The following WNT7B variants were observed in gnomAD, a reference collection of about 807,000 sequenced individuals.
The protein encoded by WNT7B is Wnt family member 7B, also known as protein Wnt-7b.
WNT7B carries 19 observed loss-of-function variants against 38.2 expected under a neutral mutation model. The observed-to-expected ratio is 0.50, with a 90% CI of 0.35 to 0.73. The LOEUF (loss-of-function observed/expected upper bound fraction) is 0.73, where lower values mean the gene tolerates loss of function less well. Ranked by LOEUF, WNT7B falls within the 30% of genes least tolerant of loss-of-function variation. WNT7B has a pLI of 0.01. For synonymous variants in WNT7B, 243 were observed against 209.3 expected, an observed-to-expected ratio of 1.16 and a Z score of -1.39; for missense variants, 423 against 507.9, an observed-to-expected ratio of 0.83 and a Z score of 1.61.
chr22:45,927,282 C>G (rs1931114968), intron 3 of WNT7B: 1 of 985,392 alleles, frequency 1.0e-6, no homozygotes, highest in East Asian at 1.1e-4. Flanking sequence ...CCTGCGGCAG[C>G]CCATTAAAGG....
Position 45,926,592 on chromosome 22 carries a change from C to G in WNT7B, c.571-3257G>C, listed in dbSNP as rs896299119. On this transcript the variant is annotated intron_variant, in intron 3 of 3. Coordinates refer to ENST00000339464, the MANE Select transcript of WNT7B (RefSeq NM_058238.3). ...CGTCCGATATTCCGGCCACTGGGGC[C>G]GACAGAAGGCACCTCACCCTGGATC... 6.1e-6 allele frequency: 6 copies of G among 985,274 alleles called. No individual in the cohort carries two copies. In the South Asian group the frequency reaches 2.8e-4, roughly 46 times the overall value. The allele number at this position is 985,274 out of a possible 1,614,324, so 61.0% of individuals were successfully genotyped here.
intron 3 of WNT7B, among the ~76,000 whole-genome samples, chr22:45,930,455 G>A (rs1354766669): frequency 6.6e-6 from 1 of 152,232 alleles, no homozygotes; most frequent in Non-Finnish European, 1.5e-5. Context: ...TCTTGCCGCC[G>A]TGCAGCTGCT....
At chr22:45,959,187 AGCAGGATGGG>A (rs1460474648) in intron 1 of WNT7B, among the ~76,000 whole-genome samples, 1 of 152,206 alleles carries the variant, frequency 6.6e-6, no homozygotes, top group Non-Finnish European at 1.5e-5. Flanking sequence ...CTGTGCAGGC[AGCAGGATGGG>A]GCATCTGGGA....
chr22:45,937,008 A>G (rs964536682), intron 2 of WNT7B, among the ~76,000 whole-genome samples: 3 of 152,156 alleles, frequency 2.0e-5, no homozygotes, highest in African/African-American at 7.2e-5. Flanking sequence ...GCCATGGTTG[A>G]GCTCCTAATG....
Position 45,923,162 on chromosome 22 carries a change from C to T in WNT7B, c.744G>A (p.Gln248=). The T allele has an allele frequency of 6.2e-7, 1 of 1,613,508 alleles. No homozygotes were observed. The highest frequency in any genetic ancestry group is 1.6e-4 in the Middle Eastern group (1 of 6,062). The stretch of plus-strand genomic sequence containing the variant: ...GCTGTTTGATGCGCAGGAAGGTGGG[C>T]TGCCGCAGACGGCTGGCCCGCACCA... ...VEVVRASRLR[Q]PTFLRIKQLR... Residue 248 remains glutamine (Q), a synonymous_variant, in exon 4 of 4, where the codon CAG becomes CAA. Transcript: ENST00000339464.
At chr22:45,926,346 G>A (rs957058560) in intron 3 of WNT7B, 16 of 985,276 alleles carry the variant, frequency 1.6e-5, no homozygotes, top group Admixed American at 6.1e-5. Flanking sequence ...CGCAGGGGCC[G>A]CTCCTCCAGG....
In WNT7B at chr22:45,929,071, C is replaced by T. The variant is rs113245422; in HGVS notation, c.570+2027G>A. Reference sequence around the variant, plus strand: ...ATGGGGAGAGTGAGAGTTTCTTCCCCGGGGGTGTGGGAAAGGCTCTGCTCA... The same window carrying T: ...ATGGGGAGAGTGAGAGTTTCTTCCCTGGGGGTGTGGGAAAGGCTCTGCTCA... On this transcript the variant is annotated intron_variant, in intron 3 of 3. Coordinates refer to ENST00000339464, the MANE Select transcript of WNT7B (RefSeq NM_058238.3). 5.4e-3 allele frequency among the ~76,000 whole-genome samples: 824 copies of T among 152,182 alleles called. 7 individuals carry two copies. Among genetic ancestry groups the T allele is most frequent in the African/African-American group, 0.018 (766 of 41,484 alleles).
intron 1 of WNT7B, among the ~76,000 whole-genome samples, chr22:45,970,308 A>G (rs993214542): frequency 3.3e-5 from 5 of 152,212 alleles, no homozygotes; most frequent in Non-Finnish European, 7.3e-5. Flanking sequence ...TTTCCTTAGG[A>G]GAATTTCTGC....
chr22:45,949,578 G>A (rs1373072371), intron 2 of WNT7B, among the ~76,000 whole-genome samples: 3 of 152,226 alleles, frequency 2.0e-5, no homozygotes, highest in Admixed American at 6.5e-5. Context: ...GCTAGGCAGC[G>A]AAAGAATGGG....
intron 1 of WNT7B, among the ~76,000 whole-genome samples, chr22:45,958,130 C>T (rs1415713101): frequency 6.6e-6 from 1 of 152,258 alleles, no homozygotes; most frequent in Admixed American, 6.5e-5. Context: ...TAGCCACCAT[C>T]CTTCCTCCCA....
Position 45,921,093 on chromosome 22 carries a change from A to T in WNT7B, c.*1763T>A, listed in dbSNP as rs1376738909. 1 of 152,120 alleles carries T rather than the reference A, an allele frequency of 6.6e-6. No homozygotes were observed. The highest frequency in any genetic ancestry group is 1.5e-5 in the Non-Finnish European group (1 of 68,116). The allele number at this position is 152,120 out of a possible 1,614,324, so 9.4% of individuals were successfully genotyped here. On this transcript the variant is annotated 3_prime_UTR_variant, in exon 4 of 4. Transcript: ENST00000339464. ...CTTGGCTTGTCGGCTGCTCAAGAAC[A>T]CATTCCTACGGGCTTCCAAGAGAAC...
intron 1 of WNT7B, among the ~76,000 whole-genome samples, chr22:45,967,115 C>T (rs1308897924): frequency 6.6e-6 from 1 of 152,156 alleles, no homozygotes; most frequent in Non-Finnish European, 1.5e-5. Context: ...CTGTACCCAC[C>T]CCCACCCTGC....
intron 3 of WNT7B, among the ~76,000 whole-genome samples, chr22:45,923,912 G>A (rs984962551): frequency 2.6e-5 from 4 of 152,200 alleles, no homozygotes; most frequent in Admixed American, 6.5e-5. Context: ...ACGGATCAGC[G>A]AGGCCCGGGC....
chr22:45,927,161 C>T (rs1931111037), intron 3 of WNT7B: 1 of 984,936 alleles, frequency 1.0e-6, no homozygotes, highest in South Asian at 4.7e-5. Context: ...GACCTGCCTG[C>T]CCCACGTAGC....
At chr22:45,963,244 A>G (rs1433081532) in intron 1 of WNT7B, among the ~76,000 whole-genome samples, 3 of 152,000 alleles carry the variant, frequency 2.0e-5, no homozygotes, top group Admixed American at 1.3e-4. Flanking sequence ...GAAGTCCCCT[A>G]TGCATAATTC....
At chr22:45,925,536 G>A (rs926144636) in intron 3 of WNT7B, 16 of 985,198 alleles carry the variant, frequency 1.6e-5, no homozygotes, top group Middle Eastern at 5.2e-4. Flanking sequence ...GTGTCTGGGC[G>A]ACCCCCAGAG....
intron 3 of WNT7B, among the ~76,000 whole-genome samples, chr22:45,929,852 TCATCCTTCCATC>T (rs1406585825): frequency 1.7e-5 from 2 of 117,092 alleles, no homozygotes; most frequent in Non-Finnish European, 3.5e-5. Flanking sequence ...ATCCACCCAC[TCATCCTTCCATC>T]CATCCATCCA....
At chr22:45,926,074 C>T (rs754421452) in intron 3 of WNT7B, 180 of 985,344 alleles carry the variant, frequency 1.8e-4, no homozygotes, top group Non-Finnish European at 2.1e-4. Flanking sequence ...GGGCCAGGCC[C>T]GTGACCATCC....
intron 2 of WNT7B, among the ~76,000 whole-genome samples, chr22:45,937,780 C>T (rs1463805512): frequency 6.6e-6 from 1 of 152,216 alleles, no homozygotes; most frequent in Non-Finnish European, 1.5e-5. Context: ...AAGGCTGAAG[C>T]AGGTGGATCA....
Sources: gnomAD v4.1 joint callset for allele counts (sites outside exome capture counted in the v4.1 genomes callset) on GRCh38, gnomAD v4.1.1 for gene constraint, MANE v1.5 for transcripts, NCBI Gene and HGNC (gene_info 2026-07-23, HGNC 2026-07-21) for gene names.